Variants in SMIM21 observed in about 807,000 individuals in gnomAD.
The protein encoded by SMIM21 is chromosome 18 open reading frame 62.
In SMIM21, 8 loss-of-function variants were observed where a neutral mutation model predicts 8.6. The ratio of observed to expected loss-of-function variants is 0.93; its 90% CI spans 0.55 to 1.68. The LOEUF is 1.68. Ranked by LOEUF, SMIM21 falls within the 40% of genes most tolerant of loss-of-function variation. The pLI, the probability that SMIM21 is intolerant of heterozygous loss-of-function variation, is 0.00. For synonymous variants in SMIM21, 43 were observed against 41.7 expected, an observed-to-expected ratio of 1.03 and a Z score of -0.12; for missense variants, 132 against 123.0, an observed-to-expected ratio of 1.07 and a Z score of -0.35.
intron 1 of SMIM21, among the ~76,000 whole-genome samples, chr18:75,420,238 A>T (rs1362453770): frequency 6.6e-6 from 1 of 152,232 alleles, no homozygotes; most frequent in Non-Finnish European, 1.5e-5. Flanking sequence ...TTGAATTTTA[A>T]TAGTTTACCA....
At position 75,427,468 on chromosome 18, in the gene SMIM21, C is replaced by G; in HGVS notation, c.96G>C (p.Lys32Asn). ...GTGCTTTCTTCTGCAGCAAATTCCC[C>G]TTGAATATCCGTCCCATTCCTGCAG... ...QDSAGMGRIFKGNLLQKKALT... is the reference protein window; with the variant it reads ...QDSAGMGRIFNGNLLQKKALT... The change falls in exon 1 of 3, where the codon AAG (lysine) becomes AAC (asparagine). Residue 32 changes from lysine to asparagine, a missense_variant. Physicochemically the swap from Lys to Asn is moderately conservative, Grantham distance 94. Transcript: ENST00000579022. 1.9e-6 allele frequency: 3 copies of G among 1,614,064 alleles called. No homozygotes were observed. Among genetic ancestry groups the G allele is most frequent in the Non-Finnish European group, 1.7e-6 (2 of 1,179,980 alleles).
rs1486351024 is a variant in SMIM21, at chr18:75,410,121, TA to T, written c.*742del. On this transcript the variant is annotated 3_prime_UTR_variant, in exon 3 of 3. Transcript: ENST00000579022. ...TTGATCTCTGCACTCAGGAACAAGG[TA>T]ATTAAGTCAGCCACAATATAAGAAA... 6.6e-6 allele frequency: 1 copy of T among 152,646 alleles called. No homozygotes were observed. Among genetic ancestry groups the T allele is most frequent in the African/African-American group, 2.4e-5 (1 of 41,444 alleles). The allele number at this position is 152,646 out of a possible 1,614,324, so 9.5% of individuals were successfully genotyped here.
chr18:75,415,094 A>G (rs28617622), intron 2 of SMIM21, among the ~76,000 whole-genome samples: 224 of 152,298 alleles, frequency 1.5e-3, no homozygotes, highest in African/African-American at 5.2e-3. Context: ...TGGAAGAGAC[A>G]CTGAGCTCTG....
intron 1 of SMIM21, among the ~76,000 whole-genome samples, chr18:75,421,082 T>C (rs1206806331): frequency 1.3e-5 from 2 of 152,224 alleles, no homozygotes; most frequent in Non-Finnish European, 2.9e-5. Flanking sequence ...TTGGACATTA[T>C]TTTGTTCTAT....
At chr18:75,426,059 G>A (rs900487469) in intron 1 of SMIM21, among the ~76,000 whole-genome samples, 6 of 151,766 alleles carry the variant, frequency 4.0e-5, no homozygotes, top group African/African-American at 9.7e-5. Context: ...CAGCCCTCAC[G>A]CAAGGCCTGG....
rs1388827015 is a variant in SMIM21 at position 75,409,805 on chromosome 18, C to G, written c.*1059G>C. 1 of 152,452 alleles carries G rather than the reference C, an allele frequency of 6.6e-6. No individual in the cohort carries two copies. Among genetic ancestry groups the G allele is most frequent in the South Asian group, 2.1e-4 (1 of 4,836 alleles). The allele number at this position is 152,452 out of a possible 1,614,324, so 9.4% of individuals were successfully genotyped here. A position where few individuals can be genotyped will look rare whatever the true frequency, so the allele number is the denominator to read the frequency against. ...TCCGGGGAGCCCAGCCATCTGCACTCAGGTCCTCAGGTGGATTTGCCCTTT... is the reference window on the plus strand; with the variant it reads ...TCCGGGGAGCCCAGCCATCTGCACTGAGGTCCTCAGGTGGATTTGCCCTTT... On this transcript the variant is annotated 3_prime_UTR_variant, in exon 3 of 3. Transcript: ENST00000579022.
At chr18:75,414,801 G>A (rs186602235) in intron 2 of SMIM21, among the ~76,000 whole-genome samples, 9 of 152,220 alleles carry the variant, frequency 5.9e-5, no homozygotes, top group Middle Eastern at 3.4e-3. Flanking sequence ...GGTGGTTTTG[G>A]ACCCTTTGAA....
intron 2 of SMIM21, among the ~76,000 whole-genome samples, 200 bp downstream of exon 2, chr18:75,418,586 A>T (rs1167886169): frequency 1.3e-5 from 2 of 152,134 alleles, no homozygotes; most frequent in Non-Finnish European, 2.9e-5. Context: ...TCTATCACGG[A>T]TGGATATTAA....
chr18:75,427,468 CT>C lies in SMIM21; in HGVS notation c.95del (p.Lys32ArgfsTer30). 1 of 1,614,064 alleles carries C rather than the reference CT, an allele frequency of 6.2e-7. No homozygotes were observed. Among genetic ancestry groups the C allele is most frequent in the Non-Finnish European group, 8.5e-7 (1 of 1,179,980 alleles). On this transcript the variant is annotated frameshift_variant, in exon 1 of 3. Coordinates refer to ENST00000579022, the MANE Select transcript of SMIM21 (RefSeq NM_001037331.3). LOFTEE classifies it high-confidence loss of function. ...GTGCTTTCTTCTGCAGCAAATTCCCCTTGAATATCCGTCCCATTCCTGCAGA... is the reference window on the plus strand; with the variant it reads ...GTGCTTTCTTCTGCAGCAAATTCCCCTGAATATCCGTCCCATTCCTGCAGA... ...QDSAGMGRIF[K>X]GNLLQKKALT... is the part of the protein sequence containing the mutation.
In SMIM21 at chr18:75,410,632, A is replaced by C. The variant is rs954133411; in HGVS notation, c.*232T>G. ...TTTCGCAGGGTTGGGTGGCATCTGC[A>C]GCTCTCCTCCGGAATATTCCTGAAC... On this transcript the variant is annotated 3_prime_UTR_variant, in exon 3 of 3. Coordinates refer to ENST00000579022, the MANE Select transcript of SMIM21 (RefSeq NM_001037331.3). 8.3e-7 allele frequency: 1 copy of C among 1,201,180 alleles called. No homozygotes were observed. Among genetic ancestry groups the C allele is most frequent in the Admixed American group, 3.4e-5 (1 of 29,140 alleles). The allele number at this position is 1,201,180 out of a possible 1,614,324, so 74.4% of individuals were successfully genotyped here. A position where few individuals can be genotyped will look rare whatever the true frequency, so the allele number is the denominator to read the frequency against.
chr18:75,424,291 A>G (rs1029398854), intron 1 of SMIM21, among the ~76,000 whole-genome samples: 6 of 152,232 alleles, frequency 3.9e-5, no homozygotes, highest in African/African-American at 9.6e-5. Context: ...GAAAAATGGA[A>G]TATTTACTTT....
intron 1 of SMIM21, among the ~76,000 whole-genome samples, chr18:75,424,860 A>G (rs535772042): frequency 6.6e-5 from 10 of 152,302 alleles, no homozygotes; most frequent in Middle Eastern, 3.4e-3. Context: ...GGCCCTTTTC[A>G]TGGAAGATGA....
chr18:75,411,429 C>T (rs554921684), intron 2 of SMIM21, among the ~76,000 whole-genome samples: 14 of 152,332 alleles, frequency 9.2e-5, no homozygotes, highest in African/African-American at 2.4e-4. Flanking sequence ...ATGGTGGACA[C>T]GGCTAACCGT....
chr18:75,415,465 C>A (rs9958193), intron 2 of SMIM21, among the ~76,000 whole-genome samples: 69,788 of 152,064 alleles, frequency 0.46, 18,468 homozygotes, highest in East Asian at 0.79. Flanking sequence ...ATGACCCCGA[C>A]GTGTGACAAC....
chr18:75,423,675 C>T (rs1339884623), intron 1 of SMIM21, among the ~76,000 whole-genome samples: 1 of 152,242 alleles, frequency 6.6e-6, no homozygotes, highest in African/African-American at 2.4e-5. Context: ...TTTCTTTAAA[C>T]TTCACAATCA....
chr18:75,422,130 A>G (rs1170608268), intron 1 of SMIM21, among the ~76,000 whole-genome samples: 7 of 152,176 alleles, frequency 4.6e-5, no homozygotes, highest in African/African-American at 7.2e-5. Flanking sequence ...CCACTGGCCC[A>G]GAATTCAGCA....
At chr18:75,419,354 C>T (rs1316702254) in intron 1 of SMIM21, among the ~76,000 whole-genome samples, 1 of 152,124 alleles carries the variant, frequency 6.6e-6, no homozygotes, top group South Asian at 2.1e-4. Context: ...ATATACATCA[C>T]TGACTGATTT....
In SMIM21 at chr18:75,427,453, C is replaced by G; in HGVS notation, c.111G>C (p.Gln37His). 6.2e-7 allele frequency: 1 copy of G among 1,614,022 alleles called. No homozygotes were observed. The highest frequency in any genetic ancestry group is 8.5e-7 in the Non-Finnish European group (1 of 1,179,966). ...MGRIFKGNLL[Q>H]KKALTTFENE... ...AACTCACTGTGGTAAGTGCTTTCTT[C>G]TGCAGCAAATTCCCCTTGAATATCC... The change falls in exon 1 of 3, where the codon CAG becomes CAC. Residue 37 changes from glutamine to histidine, a missense_variant. By Grantham distance (24) the Gln-to-His change is conservative. Transcript: ENST00000579022.
At chr18:75,420,879 C>A (rs2024700884) in intron 1 of SMIM21, among the ~76,000 whole-genome samples, 1 of 152,106 alleles carries the variant, frequency 6.6e-6, no homozygotes, top group Non-Finnish European at 1.5e-5. Flanking sequence ...CCTGGGGATC[C>A]ACAGGTATTT....
Sources: gnomAD v4.1 joint callset for allele counts (sites outside exome capture counted in the v4.1 genomes callset) on GRCh38, gnomAD v4.1.1 for gene constraint, MANE v1.5 for transcripts, NCBI Gene and HGNC (gene_info 2026-07-23, HGNC 2026-07-21) for gene names.